APOLD1: variants seen among roughly 807,000 people sequenced by gnomAD.
APOLD1 encodes the protein apolipoprotein L domain containing 1.
APOLD1 carries 22 observed loss-of-function variants against 15.3 expected under a neutral mutation model. That is an observed-to-expected ratio of 1.44 (90% CI 1.03 to 2.05). The LOEUF (loss-of-function observed/expected upper bound fraction) is 2.05. Among genes scored for constraint, APOLD1 ranks in the 30% most tolerant of loss-of-function variants. The pLI is 0.00. For synonymous variants in APOLD1, 190 were observed against 167.4 expected (o/e 1.13, Z -1.04); for missense variants, 394 against 353.5 (o/e 1.11, Z -0.92).
intron 1 of APOLD1, among the ~76,000 whole-genome samples, chr12:12,775,749 C>T (rs971770354): frequency 4.6e-5 from 7 of 152,052 alleles, no homozygotes; most frequent in African/African-American, 1.7e-4. Flanking sequence ...CCTGTAATCC[C>T]AGCACTTTTG....
At chr12:12,759,075 C>A (rs1375852704) in intron 1 of APOLD1, among the ~76,000 whole-genome samples, 1 of 152,136 alleles carries the variant, frequency 6.6e-6, no homozygotes, top group Non-Finnish European at 1.5e-5. Context: ...GACTCACATC[C>A]TGTGCGGGAG....
At chr12:12,776,512 C>T (rs373930107) in intron 1 of APOLD1, among the ~76,000 whole-genome samples, 4 of 152,172 alleles carry the variant, frequency 2.6e-5, no homozygotes, top group East Asian at 1.9e-4. Flanking sequence ...CTAGATATTT[C>T]GTAATAGGGC....
At chr12:12,776,013 A>AAAC (rs1167708141) in intron 1 of APOLD1, among the ~76,000 whole-genome samples, 5 of 150,732 alleles carry the variant, frequency 3.3e-5, no homozygotes, top group East Asian at 1.9e-4. Flanking sequence ...CAAAAAAAAA[A>AAAC]AAAAAAAAAA....
chr12:12,757,089 C>T (rs976557506), intron 1 of APOLD1, among the ~76,000 whole-genome samples: 3 of 152,136 alleles, frequency 2.0e-5, no homozygotes, highest in Admixed American at 2.0e-4. Flanking sequence ...GCCTGGCCTA[C>T]AGCTGCTTTT....
At chr12:12,774,561 AAAAAAAAAAAAAAG>A (rs1157157373) in intron 1 of APOLD1, among the ~76,000 whole-genome samples, 16 of 137,546 alleles carry the variant, frequency 1.2e-4, no homozygotes, top group African/African-American at 4.5e-4. Flanking sequence ...AAAAAAAAAA[AAAAAAAAAAAAAAG>A]AAAGAAAAGA....
At chr12:12,749,317 A>G (rs1211664368) in intron 1 of APOLD1, among the ~76,000 whole-genome samples, 1 of 152,172 alleles carries the variant, frequency 6.6e-6, no homozygotes, top group Non-Finnish European at 1.5e-5. Context: ...GCAGGAGAAT[A>G]GGGTCTGGAA....
intron 1 of APOLD1, among the ~76,000 whole-genome samples, chr12:12,747,010 T>C (rs892608489): frequency 2.6e-5 from 4 of 152,236 alleles, no homozygotes; most frequent in Non-Finnish European, 4.4e-5. Flanking sequence ...CTAATGTTAA[T>C]TGATAATGCC....
At chr12:12,725,934 G>T (rs1946586852) in exon 1 of APOLD1, 2 of 1,318,078 alleles carry the variant, frequency 1.5e-6, no homozygotes, top group Non-Finnish European at 2.0e-6. Context: ...AGGCAGGCGG[G>T]GGTGCGCGGG....
chr12:12,746,510 A>AATAAATAAATACATAAATAC (rs57489224), intron 1 of APOLD1, among the ~76,000 whole-genome samples: 49 of 149,946 alleles, frequency 3.3e-4, no homozygotes, highest in East Asian at 3.0e-3. Flanking sequence ...TAAATAAATA[A>AATAAATAAATACATAAATAC]ATAAATACAT....
Position 12,760,025 on chromosome 12 carries a change from A to C in APOLD1, c.97-26884A>C, listed in dbSNP as rs139709250. On this transcript the variant is annotated intron_variant, in intron 1 of 1. Transcript: ENST00000326765. ...GAAAAAAATTAAGACAAGCAACTGAATAGAAGTAGACATGTTATATACATA... is the reference window on the plus strand; with the variant it reads ...GAAAAAAATTAAGACAAGCAACTGACTAGAAGTAGACATGTTATATACATA... Among the ~76,000 whole-genome samples the C allele has an allele frequency of 2.4e-4, 37 of 152,352 alleles. No homozygotes were observed. In the East Asian group the frequency reaches 6.4e-3, roughly 26 times the overall value.
chr12:12,731,426 A>G (rs1946640940), intron 1 of APOLD1, among the ~76,000 whole-genome samples: 1 of 152,218 alleles, frequency 6.6e-6, no homozygotes, highest in South Asian at 2.1e-4. Context: ...ACTTCCAATG[A>G]TTTCTGAAAG....
intron 1 of APOLD1, among the ~76,000 whole-genome samples, chr12:12,733,766 C>G (rs779075790): frequency 2.0e-5 from 3 of 152,134 alleles, no homozygotes; most frequent in Non-Finnish European, 4.4e-5. Context: ...CCACACCCAG[C>G]TAATTTTTTG....
At chr12:12,728,690 A>AAAAAAAAAAAG (rs779176543) in intron 1 of APOLD1, among the ~76,000 whole-genome samples, 28 of 139,408 alleles carry the variant, frequency 2.0e-4, no homozygotes, top group Non-Finnish European at 3.5e-4. Flanking sequence ...AAAAAAAAAA[A>AAAAAAAAAAAG]AGAGAGAGAA....
At chr12:12,776,023 A>AAAC (rs1947031047) in intron 1 of APOLD1, among the ~76,000 whole-genome samples, 5 of 147,436 alleles carry the variant, frequency 3.4e-5, no homozygotes, top group South Asian at 2.2e-4. Flanking sequence ...AAAAAAAAAA[A>AAAC]AAACACAACA....
At chr12:12,745,482 A>G (rs1217413835) in intron 1 of APOLD1, among the ~76,000 whole-genome samples, 1 of 152,082 alleles carries the variant, frequency 6.6e-6, no homozygotes, top group Non-Finnish European at 1.5e-5. Flanking sequence ...GTGGGCCAAT[A>G]TCGTGCCACT....
In APOLD1 at chr12:12,737,628, C is replaced by T. The variant is rs189838723; in HGVS notation, c.96+11532C>T. On this transcript the variant is annotated intron_variant, in intron 1 of 1. Coordinates refer to the APOLD1 transcript ENST00000326765. ...CTCCTCCTCCCCTTCTCCAGTAAAACAAAATAAAACAAATCTACACTCAAG... is the reference window on the plus strand; with the variant it reads ...CTCCTCCTCCCCTTCTCCAGTAAAATAAAATAAAACAAATCTACACTCAAG... 1.3e-3 allele frequency among the ~76,000 whole-genome samples: 190 copies of T among 151,340 alleles called. 2 individuals are homozygous for T. Among genetic ancestry groups the T allele is most frequent in the Non-Finnish European group, 2.2e-3 (148 of 67,732 alleles).
chr12:12,761,828 T>TAGAGAGAGAG (rs1335110034), intron 1 of APOLD1, among the ~76,000 whole-genome samples: 2 of 20,644 alleles, frequency 9.7e-5, no homozygotes, highest in African/African-American at 2.5e-4. Flanking sequence ...TATGTATATG[T>TAGAGAGAGAG]ATAGAGAGAG....
intron 1 of APOLD1, among the ~76,000 whole-genome samples, chr12:12,743,376 A>G (rs1487665641): frequency 6.6e-6 from 1 of 152,152 alleles, no homozygotes; most frequent in Admixed American, 6.5e-5. Context: ...TTAAAAAAAA[A>G]AACAGGTGTG....
chr12:12,783,630 GTT>G (rs60822688), upstream of APOLD1, among the ~76,000 whole-genome samples: 8,234 of 123,920 alleles, frequency 0.066, 324 homozygotes, highest in Admixed American at 0.13. Context: ...GTTTTTTTTT[GTT>G]TTTTTTTTTT....
Sources: allele counts gnomAD v4.1 joint callset (sites outside exome capture counted in the v4.1 genomes callset), GRCh38; gene constraint gnomAD v4.1.1; transcripts MANE v1.5; gene names NCBI Gene and HGNC (gene_info 2026-07-23, HGNC 2026-07-21).